The following DDX11 variants were observed in gnomAD, a reference collection of about 807,000 sequenced individuals.
DDX11 encodes DEAD/H-box helicase 11.
Under a neutral mutation model 125.2 loss-of-function variants are expected in DDX11, and 72 were observed. The observed-to-expected ratio is 0.58, with a 90% CI of 0.48 to 0.70. DDX11 has a LOEUF of 0.70. Among genes scored for constraint, DDX11 ranks in the 30% least tolerant of loss-of-function variants. The probability of loss-of-function intolerance (pLI) is 0.00; values close to 1 mark genes in which losing one functional copy is unlikely to be tolerated. For missense variants in DDX11, 883 were observed against 1,165.0 expected (o/e 0.76, Z 3.52); for synonymous variants, 347 against 452.6 (o/e 0.77, Z 2.96).
intron 4 of DDX11, 31 bp downstream of exon 4, chr12:31,084,700 T>C: frequency 1.9e-6 from 3 of 1,562,278 alleles, no homozygotes; most frequent in Non-Finnish European, 2.6e-6. Context: ...GGCAGGATTA[T>C]GTCCAGGCAG....
Position 31,096,911 on chromosome 12 carries a change from T to A in DDX11, c.1683T>A (p.Ser561=). The change falls in exon 17 of 27, where the codon TCT becomes TCA. Residue 561 remains serine (S), a synonymous_variant. Transcript: ENST00000542838. ...ESQASTLRPA[S]PLMHIQGFLA... The stretch of plus-strand genomic sequence containing the variant: ...AGGCCAGCACCCTGCGACCAGCTTC[T>A]CCACTGATGCACATCCAAGGCTTCC... The A allele has an allele frequency of 6.2e-7, 1 of 1,614,166 alleles. No homozygotes were observed. The highest frequency in any genetic ancestry group is 8.5e-7 in the Non-Finnish European group (1 of 1,180,034).
rs1252901223 is a variant in DDX11, at chr12:31,094,746, T to C, written c.1415-9T>C. On this transcript the variant is annotated splice_polypyrimidine_tract_variant and intron_variant, in intron 13 of 26. Transcript: ENST00000542838. ...AAGCTCCCAAGGCCCTTCATGTGTTTGTTCTCAGGGACGGAGCTGAAGACC... is the reference window on the plus strand; with the variant it reads ...AAGCTCCCAAGGCCCTTCATGTGTTCGTTCTCAGGGACGGAGCTGAAGACC... 6.2e-7 allele frequency: 1 copy of C among 1,611,772 alleles called. No individual in the cohort carries two copies. The highest frequency in any genetic ancestry group is 1.7e-5 in the Admixed American group (1 of 60,010).
At chr12:31,101,728 C>G in intron 20 of DDX11, 105 bp from the exon 21 acceptor site, 1 of 1,522,790 alleles carries the variant, frequency 6.6e-7, no homozygotes, top group Non-Finnish European at 9.1e-7. Context: ...GTAGTCCTGC[C>G]GAGGGTCTCT....
chr12:31,102,427 G>A lies in DDX11; in HGVS notation c.2272G>A (p.Ala758Thr). Reference protein sequence around the residue: ...VLLAYSRCIQACGQERGQVTG... With the variant: ...VLLAYSRCIQTCGQERGQVTG... ...CTCAGCGTCTGGGTTTCTCCTACAGGCCTGTGGCCAGGAGAGAGGCCAGGT... is the reference window on the plus strand; with the variant it reads ...CTCAGCGTCTGGGTTTCTCCTACAGACCTGTGGCCAGGAGAGAGGCCAGGT... The change falls in exon 23 of 27, where the codon GCC becomes ACC. Residue 758 changes from alanine to threonine, a missense_variant and splice_region_variant. Around this residue, in one of 5 missense-constraint regions of DDX11, gnomAD observed 285 missense variants for 346.0 expected, o/e 0.82. Coordinates refer to ENST00000542838, the MANE Select transcript of DDX11 (RefSeq NM_030653.4). The A allele has an allele frequency of 1.2e-6, 2 of 1,614,058 alleles. No individual in the cohort carries two copies. The highest frequency in any genetic ancestry group is 1.7e-6 in the Non-Finnish European group (2 of 1,179,934).
chr12:31,100,987 C>G, intron 19 of DDX11, 40 bp from the exon 20 acceptor site: 1 of 1,551,968 alleles, frequency 6.4e-7, no homozygotes, highest in South Asian at 1.1e-5. Context: ...TGCAGCACAC[C>G]TGCATCTCCA....
rs555311531 is a variant in DDX11 at position 31,096,457 on chromosome 12, C to T, written c.1521+78C>T. ...CCTGCCCTTGCCATGCTTTCCTCCC[C>T]TGCCCTCAGGGAACTCCAGAGTCCC... On this transcript the variant is annotated intron_variant, in intron 15 of 26. Transcript: ENST00000542838. The T allele has an allele frequency of 1.9e-6, 3 of 1,613,254 alleles. No individual in the cohort carries two copies. The African/African-American group carries it at 4.0e-5, about 22-fold the overall frequency.
At chr12:31,091,895 G>T in intron 10 of DDX11, 24 bp downstream of exon 10, 1 of 1,613,752 alleles carries the variant, frequency 6.2e-7, no homozygotes, top group Non-Finnish European at 8.5e-7. Context: ...CCCTCCCCGG[G>T]CCAGGGCCTG....
Position 31,089,914 on chromosome 12 carries a change from G to A in DDX11, c.909G>A (p.Lys303=), listed in dbSNP as rs1189918973. The part of the protein sequence containing the change: ...HEKKKGAEEE[K]PKRRRQEKQA... ...AGAAGAAAGGAGCTGAGGAGGAGAA[G>A]CCAAAGAGGAGGAGGCAGGAGAAGC... Residue 303 remains lysine, a synonymous_variant, in exon 9 of 27, where the codon AAG becomes AAA. Transcript: ENST00000542838. The A allele has an allele frequency of 1.9e-6, 3 of 1,606,082 alleles. No homozygotes were observed. The highest frequency in any genetic ancestry group is 2.2e-5 in the East Asian group (1 of 44,636).
At position 31,089,490 on chromosome 12, in the gene DDX11, G is replaced by A. The variant is rs751955009; in HGVS notation, c.880G>A (p.Glu294Lys). 32 of 1,612,680 alleles carry A rather than the reference G, an allele frequency of 2.0e-5. No individual in the cohort carries two copies. Among genetic ancestry groups the A allele is most frequent in the African/African-American group, 8.0e-5 (6 of 75,000 alleles). ...RCVDMQRSRH[E>K]KKKGAEEEKP... ...TGTGGACATGCAGAGAAGCAGGCAC[G>A]GTAGCCACTGGGACCATGGTGTAGC... Residue 294 changes from glutamate to lysine, a missense_variant and splice_region_variant, in exon 8 of 27, where the codon GAG becomes AAG. Glu to Lys is a moderately conservative substitution (Grantham distance 56). Coordinates refer to ENST00000542838, the MANE Select transcript of DDX11 (RefSeq NM_030653.4).
intron 1 of DDX11, among the ~76,000 whole-genome samples, chr12:31,076,282 C>T (rs954145559): frequency 5.3e-5 from 8 of 152,174 alleles, no homozygotes; most frequent in Non-Finnish European, 1.0e-4. Flanking sequence ...GAGATTGTGG[C>T]TGTATCCGGC....
At chr12:31,092,488 T>C (rs1944414023) in intron 10 of DDX11, among the ~76,000 whole-genome samples, 1 of 152,134 alleles carries the variant, frequency 6.6e-6, no homozygotes, top group Admixed American at 6.5e-5. Context: ...GTGCCTGGGC[T>C]GAATTGAGGC....
At chr12:31,078,135 G>T (rs1444616903) in intron 1 of DDX11, 2 of 1,263,490 alleles carry the variant, frequency 1.6e-6, no homozygotes, top group South Asian at 1.3e-5. Context: ...AAATGCAGGG[G>T]AGATTGGGTT....
chr12:31,093,324 G>A lies in DDX11; in HGVS notation c.1369G>A (p.Gly457Arg), dbSNP rs777911826. ...LLEKFVAVLG[G>R]NIKQNPNTQS... is the part of the protein sequence containing the mutation. Reference sequence around the variant, plus strand: ...GGAGAAATTCGTGGCTGTGCTAGGGGGTGAGAGCCTCGTCCCCCTGCTGAC... The same window carrying A: ...GGAGAAATTCGTGGCTGTGCTAGGGAGTGAGAGCCTCGTCCCCCTGCTGAC... The change falls in exon 12 of 27, where the codon GGG becomes AGG. Residue 457 changes from glycine (G) to arginine (R), a missense_variant and splice_region_variant. By Grantham distance (125) the Gly-to-Arg change is moderately radical. Around this residue, in one of 5 missense-constraint regions of DDX11, gnomAD observed 241 missense variants for 279.7 expected, o/e 0.86. Coordinates refer to ENST00000542838, the MANE Select transcript of DDX11 (RefSeq NM_030653.4). 6.2e-7 allele frequency: 1 copy of A among 1,613,792 alleles called. No homozygotes were observed. Among genetic ancestry groups the A allele is most frequent in the Non-Finnish European group, 8.5e-7 (1 of 1,179,814 alleles).
In DDX11 at chr12:31,078,551, G is replaced by C. The variant is rs1453706290; in HGVS notation, c.144+14G>C. On this transcript the variant is annotated intron_variant, in intron 2 of 26. Transcript: ENST00000542838. ...CCAACTGGCACTGTGAGTATGAACA[G>C]TGAGAGATACTGAAAAGGACAACTT... 2 of 1,611,830 alleles carry C rather than the reference G, an allele frequency of 1.2e-6. No homozygotes were observed. The highest frequency in any genetic ancestry group is 2.7e-5 in the African/African-American group (2 of 74,862).
In DDX11 at chr12:31,103,919, C is replaced by T. The variant is rs368711403; in HGVS notation, c.*83C>T. 19 of 1,613,682 alleles carry T rather than the reference C, an allele frequency of 1.2e-5. No individual in the cohort carries two copies. Among genetic ancestry groups the T allele is most frequent in the South Asian group, 1.1e-4 (10 of 91,030 alleles). On this transcript the variant is annotated 3_prime_UTR_variant, in exon 27 of 27. Coordinates refer to ENST00000542838, the MANE Select transcript of DDX11 (RefSeq NM_030653.4). The stretch of plus-strand genomic sequence containing the variant: ...CAGTGTTTGTCGTGGGCGTGGTCTG[C>T]GGGGATCCTGTTACAAAGGTGAAAC...
At chr12:31,084,118 T>G (rs577576541) in intron 3 of DDX11, 57 bp downstream of exon 3, 1 of 1,604,662 alleles carries the variant, frequency 6.2e-7, no homozygotes, top group Non-Finnish European at 8.5e-7. Flanking sequence ...CTTCAGCGAT[T>G]GTTCTGGGGC....
At position 31,092,073 on chromosome 12, in the gene DDX11, C is replaced by T. The variant is rs35694458; in HGVS notation, c.1242+202C>T. ...CCCGCTATGACAGAGTGCCTCATTT[C>T]CCTGCACCTCATCTGCCCCCATGCT... On this transcript the variant is annotated intron_variant, in intron 10 of 26. Transcript: ENST00000542838. Among the ~76,000 whole-genome samples, 1,293 of 152,368 alleles carry T rather than the reference C, an allele frequency of 8.5e-3. 10 individuals are homozygous for T. The highest frequency in any genetic ancestry group is 0.012 in the Non-Finnish European group (846 of 68,040).
intron 19 of DDX11, 61 bp from the exon 20 acceptor site, chr12:31,100,966 C>G: frequency 6.9e-7 from 1 of 1,456,034 alleles, no homozygotes; most frequent in Admixed American, 1.7e-5. Context: ...AATGCCCTCT[C>G]TGCAGTGTCT....
At chr12:31,098,739 A>G (rs1244967969) in intron 18 of DDX11, among the ~76,000 whole-genome samples, 1 of 152,188 alleles carries the variant, frequency 6.6e-6, no homozygotes, top group Admixed American at 6.5e-5. Flanking sequence ...TTGTATGGAT[A>G]GATTCATAGT....
Sources: allele counts gnomAD v4.1 joint callset (sites outside exome capture counted in the v4.1 genomes callset), GRCh38; gene constraint gnomAD v4.1.1; regional missense constraint gnomAD v4.1.1; transcripts MANE v1.5; gene names NCBI Gene and HGNC (gene_info 2026-07-23, HGNC 2026-07-21).